Variants in RAB3C observed in about 807,000 individuals in gnomAD.
RAB3C encodes ras-related protein Rab-3C.
RAB3C carries 17 observed loss-of-function variants against 26.4 expected under a neutral mutation model. That is an observed-to-expected ratio of 0.64 (90% confidence interval 0.44 to 0.97). The LOEUF (loss-of-function observed/expected upper bound fraction) is 0.97, where lower values mean the gene tolerates loss of function less well. Among genes scored for constraint, RAB3C ranks in the 50% least tolerant of loss-of-function variants. The pLI, the probability that RAB3C is intolerant of heterozygous loss-of-function variation, is 0.00. For missense variants in RAB3C, 242 were observed against 281.9 expected, an observed-to-expected ratio of 0.86 and a Z score of 1.01; for synonymous variants, 91 against 95.9, an observed-to-expected ratio of 0.95 and a Z score of 0.30.
chr5:58,772,146 A>G (rs1246504196), intron 3 of RAB3C, among the ~76,000 whole-genome samples: 1 of 152,176 alleles, frequency 6.6e-6, no homozygotes, highest in African/African-American at 2.4e-5. Flanking sequence ...GCATGGGCTA[A>G]TGCGACATGG....
At chr5:58,798,289 G>A (rs1326632202) in intron 3 of RAB3C, among the ~76,000 whole-genome samples, 1 of 152,090 alleles carries the variant, frequency 6.6e-6, no homozygotes, top group East Asian at 1.9e-4. Context: ...CCACAGGTTA[G>A]TTTTTAATTA....
chr5:58,739,051 G>A (rs1459345893), intron 3 of RAB3C, among the ~76,000 whole-genome samples: 1 of 152,180 alleles, frequency 6.6e-6, no homozygotes, highest in Non-Finnish European at 1.5e-5. Context: ...TTGCTTTAAA[G>A]CAAATATTGT....
chr5:58,795,121 C>G (rs1025514069), intron 3 of RAB3C, among the ~76,000 whole-genome samples: 3 of 152,112 alleles, frequency 2.0e-5, no homozygotes, highest in African/African-American at 7.2e-5. Context: ...CTCCTGAGAT[C>G]TGATGGTTTT....
chr5:58,765,521 G>T (rs1267266840), intron 3 of RAB3C, among the ~76,000 whole-genome samples: 5 of 152,100 alleles, frequency 3.3e-5, no homozygotes, highest in African/African-American at 1.2e-4. Flanking sequence ...ATCAATATTT[G>T]CTGTGCAACC....
At chr5:58,740,502 T>C (rs1227821936) in intron 3 of RAB3C, among the ~76,000 whole-genome samples, 1 of 152,168 alleles carries the variant, frequency 6.6e-6, no homozygotes, top group Admixed American at 6.6e-5. Flanking sequence ...TGTCAACTTG[T>C]TTGTATTGAC....
intron 3 of RAB3C, among the ~76,000 whole-genome samples, chr5:58,763,597 T>A (rs187806467): frequency 6.6e-6 from 1 of 152,310 alleles, no homozygotes; most frequent in Non-Finnish European, 1.5e-5. Flanking sequence ...TTGCATGTTG[T>A]CAAAAGGAAA....
chr5:58,612,522 A>ATATATATATATATATATATATG (rs1746730697), intron 1 of RAB3C, among the ~76,000 whole-genome samples: 3 of 54,696 alleles, frequency 5.5e-5, no homozygotes, highest in African/African-American at 1.7e-4. Context: ...GTGTGTGTGT[A>ATATATATATATATATATATATG]TATATATATA....
chr5:58,624,214 C>T (rs1169019973), intron 2 of RAB3C, among the ~76,000 whole-genome samples: 3 of 152,192 alleles, frequency 2.0e-5, no homozygotes, highest in East Asian at 1.9e-4. Context: ...ATAAGGAGAT[C>T]GAATTCCACT....
chr5:58,824,378 C>G (rs868355350), intron 3 of RAB3C, among the ~76,000 whole-genome samples: 21 of 152,202 alleles, frequency 1.4e-4, no homozygotes, highest in South Asian at 1.2e-3. Flanking sequence ...GAGGCTTATT[C>G]TAAATTCTAA....
intron 4 of RAB3C, among the ~76,000 whole-genome samples, chr5:58,827,001 A>G (rs1743496044): frequency 6.6e-6 from 1 of 152,186 alleles, no homozygotes; most frequent in Admixed American, 6.5e-5. Context: ...CCCTTCCACC[A>G]AATATTCTTA....
intron 2 of RAB3C, among the ~76,000 whole-genome samples, chr5:58,676,607 G>A (rs1287227780): frequency 2.0e-5 from 3 of 152,136 alleles, no homozygotes; most frequent in African/African-American, 4.8e-5. Flanking sequence ...CGGGGTGGTA[G>A]GGGAGGTGGG....
intron 3 of RAB3C, among the ~76,000 whole-genome samples, chr5:58,754,076 G>A (rs1741593873): frequency 6.6e-6 from 1 of 152,100 alleles, no homozygotes; most frequent in Non-Finnish European, 1.5e-5. Context: ...TTCTATTTGA[G>A]AGGGGAGAGA....
At chr5:58,826,166 G>C (rs1255526553) in intron 4 of RAB3C, among the ~76,000 whole-genome samples, 1 of 152,082 alleles carries the variant, frequency 6.6e-6, no homozygotes, top group East Asian at 1.9e-4. Flanking sequence ...GCAATGCAGA[G>C]AGGGCCCCCG....
At chr5:58,700,823 T>C (rs1342557994) in intron 2 of RAB3C, among the ~76,000 whole-genome samples, 1 of 152,162 alleles carries the variant, frequency 6.6e-6, no homozygotes, top group Non-Finnish European at 1.5e-5. Flanking sequence ...ACAATCATGC[T>C]ACTGAGGAAA....
chr5:58,618,108 TA>T (rs5868121), intron 2 of RAB3C, among the ~76,000 whole-genome samples: 35,233 of 150,356 alleles, frequency 0.23, 4,241 homozygotes, highest in Admixed American at 0.31. Flanking sequence ...GTCTTCAGAA[TA>T]AAAAAAAAAT....
In RAB3C at chr5:58,851,169, G is replaced by C; in HGVS notation, c.502G>C (p.Glu168Gln). 2 of 1,592,206 alleles carry C rather than the reference G, an allele frequency of 1.3e-6. No homozygotes were observed. The highest frequency in any genetic ancestry group is 8.5e-7 in the Non-Finnish European group (1 of 1,172,782). Residue 168 changes from glutamate to glutamine, a missense_variant, in exon 5 of 5, where the codon GAG (glutamate) becomes CAG (glutamine). Physicochemically the swap from Glu to Gln is conservative, Grantham distance 29 (BLOSUM62 2). Transcript: ENST00000282878. ...GQHLGEQLGFEFFETSAKDNI... is the reference protein window; with the variant it reads ...GQHLGEQLGFQFFETSAKDNI... ...TTTCTGTGTGTTTCTTCCAGGGTTT[G>C]AGTTTTTTGAAACAAGTGCCAAGGA... is the stretch of plus-strand genomic sequence containing the variant.
chr5:58,726,054 G>A lies in RAB3C; in HGVS notation c.305G>A (p.Gly102Glu). The change falls in exon 3 of 5, where the codon GGA (glycine) becomes GAA (glutamate). Residue 102 changes from glycine to glutamate, a missense_variant. Transcript: ENST00000282878. ...ACTATCACCACAGCCTATTATCGTG[G>A]AGCCATGGGCTTTATTTTAATGTAT... Reference protein sequence around the residue: ...YRTITTAYYRGAMGFILMYDI... With the variant: ...YRTITTAYYREAMGFILMYDI... 1 of 1,607,822 alleles carries A rather than the reference G, an allele frequency of 6.2e-7. No homozygotes were observed. Among genetic ancestry groups the A allele is most frequent in the Non-Finnish European group, 8.5e-7 (1 of 1,176,420 alleles).
intron 2 of RAB3C, among the ~76,000 whole-genome samples, chr5:58,672,881 T>C (rs187459326): frequency 5.1e-4 from 77 of 152,342 alleles, no homozygotes; most frequent in African/African-American, 1.6e-3. Context: ...GCCACATTTA[T>C]ATGCTAGGAG....
chr5:58,636,117 T>C (rs77190832), intron 2 of RAB3C, among the ~76,000 whole-genome samples: 22 of 152,204 alleles, frequency 1.4e-4, no homozygotes, highest in Admixed American at 1.3e-3. Context: ...TTATTTTGGC[T>C]CCACCCCAGC....
Sources: gnomAD v4.1 joint callset for allele counts (sites outside exome capture counted in the v4.1 genomes callset) on GRCh38, gnomAD v4.1.1 for gene constraint, MANE v1.5 for transcripts, NCBI Gene and HGNC (gene_info 2026-07-23, HGNC 2026-07-21) for gene names.